The following AATF variants were observed in gnomAD, a reference collection of about 807,000 sequenced individuals.
The protein encoded by AATF is protein AATF.
Under a neutral mutation model 63.7 loss-of-function variants are expected in AATF, and 48 were observed. The observed-to-expected ratio is 0.75, with a 90% CI of 0.60 to 0.96. The LOEUF (loss-of-function observed/expected upper bound fraction) is 0.96, where lower values mean the gene tolerates loss of function less well. AATF is among the 40% of genes least tolerant of loss of function. The pLI is 0.00. For missense variants in AATF, 639 were observed against 685.7 expected (o/e 0.93, Z 0.76); for synonymous variants, 258 against 247.7 (o/e 1.04, Z -0.39).
Position 36,953,826 on chromosome 17 carries a change from A to G in AATF, c.751A>G (p.Thr251Ala), listed in dbSNP as rs781316785. Residue 251 changes from threonine to alanine, a missense_variant, in exon 4 of 12, where the codon ACC becomes GCC. Thr to Ala is a moderately conservative substitution (Grantham distance 58). Transcript: ENST00000619387. ...RIKLQKALLTTNQLPQPDVFP... is the reference protein window; with the variant it reads ...RIKLQKALLTANQLPQPDVFP... ...CAAACTACAAAAAGCTCTGTTGACC[A>G]CCAACCAGCTTCCTCAACCAGATGT... is the stretch of plus-strand genomic sequence containing the variant. The G allele has an allele frequency of 6.2e-7, 1 of 1,614,140 alleles. No individual in the cohort carries two copies. Among genetic ancestry groups the G allele is most frequent in the East Asian group, 2.2e-5 (1 of 44,878 alleles).
intron 11 of AATF, 94 bp downstream of exon 11, chr17:37,031,779 CAG>C: frequency 9.9e-7 from 1 of 1,010,032 alleles, no homozygotes; most frequent in South Asian, 1.3e-5. Flanking sequence ...TTCTTCTTAT[CAG>C]TTAACCATTT....
intron 4 of AATF, among the ~76,000 whole-genome samples, chr17:36,964,353 A>G (rs116671658): frequency 0.01 from 1,587 of 151,944 alleles, 26 homozygotes; most frequent in African/African-American, 0.036. Flanking sequence ...CTTAGATAGC[A>G]ATGTGGACCA....
At chr17:36,956,754 A>C (rs1385112011) in intron 4 of AATF, among the ~76,000 whole-genome samples, 1 of 152,138 alleles carries the variant, frequency 6.6e-6, no homozygotes, top group Non-Finnish European at 1.5e-5. Context: ...AGGCAGGCGG[A>C]TCACTTTAGG....
At chr17:37,023,958 A>G (rs2071492328) in intron 10 of AATF, among the ~76,000 whole-genome samples, 1 of 152,174 alleles carries the variant, frequency 6.6e-6, no homozygotes, top group South Asian at 2.1e-4. Context: ...TCATCTCTAG[A>G]TTACTTATAA....
intron 4 of AATF, among the ~76,000 whole-genome samples, chr17:36,966,674 TTTG>T (rs1188969507): frequency 6.6e-6 from 1 of 152,156 alleles, no homozygotes; most frequent in Non-Finnish European, 1.5e-5. Context: ...AATTTAAAGT[TTTG>T]TTGTTGTTGT....
chr17:37,052,762 C>G (rs1259145636), intron 11 of AATF: 2 of 152,396 alleles, frequency 1.3e-5, no homozygotes, highest in African/African-American at 2.4e-5. Flanking sequence ...GGACCTCGGG[C>G]TGCCACAGGA....
chr17:36,968,723 G>C (rs988029474), intron 4 of AATF, among the ~76,000 whole-genome samples: 1 of 151,970 alleles, frequency 6.6e-6, no homozygotes, highest in Non-Finnish European at 1.5e-5. Context: ...CTGGGCTCAG[G>C]TTATCTTCCT....
rs1462286239 is a variant in AATF at position 36,983,382 on chromosome 17, C to CT, written c.833-3234dup. Among the ~76,000 whole-genome samples, 5 of 152,154 alleles carry CT rather than the reference C, an allele frequency of 3.3e-5. No individual in the cohort carries two copies. In the East Asian group the frequency reaches 9.6e-4, roughly 29 times the overall value. Reference sequence around the variant, plus strand: ...TTTGTTTTTGAGATGGAGTCTCACTCTGTCGCCCAGACTGGAGTGCAGTGG... The same window carrying CT: ...TTTGTTTTTGAGATGGAGTCTCACTCTTGTCGCCCAGACTGGAGTGCAGTGG... On this transcript the variant is annotated intron_variant, in intron 4 of 11. Coordinates refer to ENST00000619387, the MANE Select transcript of AATF (RefSeq NM_012138.4).
chr17:36,981,039 G>A (rs1053049876), intron 4 of AATF, among the ~76,000 whole-genome samples: 6 of 151,964 alleles, frequency 3.9e-5, no homozygotes, highest in Middle Eastern at 3.2e-3. Flanking sequence ...ACTGGGTGAA[G>A]GGGTGTATAA....
chr17:37,002,593 A>C (rs924197179), intron 8 of AATF, among the ~76,000 whole-genome samples: 3 of 151,792 alleles, frequency 2.0e-5, no homozygotes, highest in African/African-American at 7.3e-5. Flanking sequence ...AATGACGTGA[A>C]CCCAGGAGGC....
chr17:36,980,657 T>A (rs1214143295), intron 4 of AATF, among the ~76,000 whole-genome samples: 2 of 152,148 alleles, frequency 1.3e-5, no homozygotes, highest in African/African-American at 4.8e-5. Flanking sequence ...TTGTTTTGGC[T>A]GGGAAGAATT....
chr17:37,040,908 T>A (rs74970366), intron 11 of AATF, among the ~76,000 whole-genome samples: 4,456 of 152,296 alleles, frequency 0.029, 215 homozygotes, highest in African/African-American at 0.1. Context: ...TAGCTTTGAA[T>A]CCTGATCTGG....
At chr17:37,037,127 G>GCCT (rs2071599686) in intron 11 of AATF, among the ~76,000 whole-genome samples, 2 of 151,404 alleles carry the variant, frequency 1.3e-5, no homozygotes, top group African/African-American at 4.9e-5. Flanking sequence ...TCCTGCCTCA[G>GCCT]CCTCCCGAGT....
intron 11 of AATF, among the ~76,000 whole-genome samples, chr17:37,053,292 A>C: frequency 6.6e-6 from 1 of 152,078 alleles, no homozygotes; most frequent in Admixed American, 6.6e-5. Context: ...AGGATATATT[A>C]TATCATATTA....
chr17:36,983,310 T>G, intron 4 of AATF, among the ~76,000 whole-genome samples: 1 of 152,178 alleles, frequency 6.6e-6, no homozygotes, highest in East Asian at 1.9e-4. Context: ...CCCAGAGTGC[T>G]GTGATTACAG....
intron 5 of AATF, 80 bp from the exon 6 acceptor site, chr17:36,988,437 TCA>T (rs1462892874): frequency 7.4e-7 from 1 of 1,359,932 alleles, no homozygotes; most frequent in Non-Finnish European, 1.0e-6. Flanking sequence ...CTAAATATTC[TCA>T]GTCCTTTATG....
chr17:37,009,205 C>G (rs1160046503), intron 8 of AATF, among the ~76,000 whole-genome samples: 1 of 152,026 alleles, frequency 6.6e-6, no homozygotes, highest in Non-Finnish European at 1.5e-5. Context: ...GATCTCGGCT[C>G]ACTGCAACCT....
intron 4 of AATF, among the ~76,000 whole-genome samples, chr17:36,954,953 A>G (rs2070887370): frequency 6.6e-6 from 1 of 152,084 alleles, no homozygotes; most frequent in Non-Finnish European, 1.5e-5. Context: ...CATGAAAGAG[A>G]TATCTATATC....
In AATF at chr17:36,988,729, G is replaced by T; in HGVS notation, c.1149+9G>T. 1 of 1,613,322 alleles carries T rather than the reference G, an allele frequency of 6.2e-7. No individual in the cohort carries two copies. Among genetic ancestry groups the T allele is most frequent in the Non-Finnish European group, 8.5e-7 (1 of 1,179,780 alleles). On this transcript the variant is annotated intron_variant, in intron 6 of 11. Transcript: ENST00000619387. ...CTGGAAAACTGGGGAAGGCAAGTGT[G>T]TGTATGCGCGCATGTATGTGTAAGA...
Sources: gnomAD v4.1 joint callset for allele counts (sites outside exome capture counted in the v4.1 genomes callset) on GRCh38, gnomAD v4.1.1 for gene constraint, MANE v1.5 for transcripts, NCBI Gene and HGNC (gene_info 2026-07-23, HGNC 2026-07-21) for gene names.